Variants in ITPR3 observed in about 807,000 individuals in gnomAD.
The protein encoded by ITPR3 is inositol 1,4,5-trisphosphate receptor type 3.
ITPR3 carries 173 observed loss-of-function variants against 293.2 expected under a neutral mutation model. The ratio of observed to expected loss-of-function variants is 0.59; its 90% confidence interval spans 0.52 to 0.67. ITPR3 has a LOEUF of 0.67. Among genes scored for constraint, ITPR3 ranks in the 30% least tolerant of loss-of-function variants. The pLI is 0.00. For missense variants in ITPR3, 2,796 were observed against 3,592.1 expected (o/e 0.78, Z 5.66); for synonymous variants, 1,295 against 1,444.4 (o/e 0.90, Z 2.35).
chr6:33,689,305 G>C lies in ITPR3; in HGVS notation c.6762G>C (p.Leu2254=), dbSNP rs754115340. The change falls in exon 50 of 58, where the codon CTG becomes CTC. Residue 2254 remains leucine (L), a synonymous_variant. Coordinates refer to ENST00000605930, the MANE Select transcript of ITPR3 (RefSeq NM_002224.4). The part of the protein sequence containing the change: ...WILICFSIAA[L]FTKRYSIRPL... Reference sequence around the variant, plus strand: ...TCATCTGCTTCTCCATCGCGGCCCTGTTCACCAAGCGCTACAGCATCCGCC... The same window carrying C: ...TCATCTGCTTCTCCATCGCGGCCCTCTTCACCAAGCGCTACAGCATCCGCC... The C allele has an allele frequency of 6.2e-7, 1 of 1,612,676 alleles. No homozygotes were observed. The highest frequency in any genetic ancestry group is 8.5e-7 in the Non-Finnish European group (1 of 1,180,018).
Position 33,683,972 on chromosome 6 carries a change from C to G in ITPR3, c.4789-48C>G, listed in dbSNP as rs1179543139. 6 of 1,550,660 alleles carry G rather than the reference C, an allele frequency of 3.9e-6. No homozygotes were observed. Among genetic ancestry groups the G allele is most frequent in the Non-Finnish European group, 5.2e-6 (6 of 1,148,338 alleles). On this transcript the variant is annotated intron_variant, in intron 35 of 57. Transcript: ENST00000605930. This position sits in a 1 kb window ranked among gnomAD's most constrained non-coding sequence, Gnocchi z 4.5. Reference sequence around the variant, plus strand: ...TGGGTCGGAGGAATGGCAGTCACACCCGGGTCATTTCTTGGGCCTGGCAAT... The same window carrying G: ...TGGGTCGGAGGAATGGCAGTCACACGCGGGTCATTTCTTGGGCCTGGCAAT...
In ITPR3 at chr6:33,667,072, A is replaced by C. The variant is rs1008654589; in HGVS notation, c.1552-57A>C. ...GGACTCAGGGATGACTCCTGGGATG[A>C]CTTAGGGGTACAGACAGGTGTTGGG... On this transcript the variant is annotated intron_variant, in intron 14 of 57. Transcript: ENST00000605930. This position sits in a 1 kb window ranked among gnomAD's most constrained non-coding sequence, Gnocchi z 4.4. 9 of 1,583,622 alleles carry C rather than the reference A, an allele frequency of 5.7e-6. No individual in the cohort carries two copies. The African/African-American group carries it at 1.1e-4, about 19-fold the overall frequency.
chr6:33,670,217 A>G lies in ITPR3; in HGVS notation c.2190-108A>G. ...CAGAATTGCAGCTGGCGCATCTTTA[A>G]CCTAATCCCTTTGCCACTTTACTGA... On this transcript the variant is annotated intron_variant, in intron 18 of 57. Coordinates refer to ENST00000605930, the MANE Select transcript of ITPR3 (RefSeq NM_002224.4). The surrounding 1 kb of genome is among the most constrained non-coding windows in gnomAD (Gnocchi z 6.7). The G allele has an allele frequency of 8.2e-7, 1 of 1,214,412 alleles. No homozygotes were observed. The highest frequency in any genetic ancestry group is 1.2e-6 in the Non-Finnish European group (1 of 844,848). The allele number at this position is 1,214,412 out of a possible 1,614,324, so 75.2% of individuals were successfully genotyped here. A position where few individuals can be genotyped will look rare whatever the true frequency, so the allele number is the denominator to read the frequency against.
Position 33,694,986 on chromosome 6 carries a change from G to A in ITPR3, c.7848G>A (p.Glu2616=). The A allele has an allele frequency of 1.2e-6, 2 of 1,614,194 alleles. No individual in the cohort carries two copies. The highest frequency in any genetic ancestry group is 1.1e-5 in the South Asian group (1 of 91,080). ...RAMSLVSNEG[E]GEQNEIRILQ... ...TGTCCCTTGTCAGCAATGAGGGCGA[G>A]GGGGAGCAGAATGAGATTCGGATTC... Residue 2616 remains glutamate (E), a synonymous_variant, in exon 57 of 58, where the codon GAG becomes GAA. Transcript: ENST00000605930.
chr6:33,634,401 GCCCAAGGT>G (rs1430317886), intron 1 of ITPR3, among the ~76,000 whole-genome samples: 1 of 152,104 alleles, frequency 6.6e-6, no homozygotes, highest in Admixed American at 6.5e-5. Flanking sequence ...GGGAGAAAAT[GCCCAAGGT>G]CCCATCTCCT....
intron 30 of ITPR3, 23 bp downstream of exon 30, chr6:33,678,862 C>G: frequency 6.2e-7 from 1 of 1,600,172 alleles, no homozygotes; most frequent in Non-Finnish European, 8.5e-7. Flanking sequence ...CTGAGGGGTG[C>G]TCAGGCATCT....
In ITPR3 at chr6:33,658,122, T is replaced by A. The variant is rs1764359521; in HGVS notation, c.369+104T>A. ...GCAGGCATTGCCCTCTGTGCATGTG[T>A]GTCCCCGGGTGAATGAGTGGCCCTG... On this transcript the variant is annotated intron_variant, in intron 4 of 57. Coordinates refer to ENST00000605930, the MANE Select transcript of ITPR3 (RefSeq NM_002224.4). The surrounding 1 kb of genome is among the most constrained non-coding windows in gnomAD (Gnocchi z 6.1). 3.1e-6 allele frequency: 3 copies of A among 958,598 alleles called. No homozygotes were observed. The Admixed American group carries it at 6.0e-5, about 19-fold the overall frequency. 59.4% of individuals were successfully genotyped at this position (958,598 alleles called of 1,614,324 possible).
Position 33,654,820 on chromosome 6 carries a change from C to T in ITPR3, c.161-946C>T, listed in dbSNP as rs546201466. On this transcript the variant is annotated intron_variant, in intron 2 of 57. Transcript: ENST00000605930. This position sits in a 1 kb window ranked among gnomAD's most constrained non-coding sequence, Gnocchi z 4.1. ...GATCCCTCCTGTGATGGGGAGCTCA[C>T]TGCTTCCCAGCCCAGCCCAGGCTAT... Among the ~76,000 whole-genome samples the T allele has an allele frequency of 6.6e-6, 1 of 152,272 alleles. No individual in the cohort carries two copies. Among genetic ancestry groups the T allele is most frequent in the South Asian group, 2.1e-4 (1 of 4,816 alleles).
chr6:33,644,287 CTT>C (rs541840395), intron 2 of ITPR3, among the ~76,000 whole-genome samples: 2 of 145,526 alleles, frequency 1.4e-5, no homozygotes, highest in Non-Finnish European at 1.5e-5. Flanking sequence ...GATCTTTTTA[CTT>C]TTTTTTTTTT....
intron 1 of ITPR3, among the ~76,000 whole-genome samples, chr6:33,628,915 C>T (rs1334956758): frequency 2.0e-5 from 3 of 152,166 alleles, no homozygotes; most frequent in Non-Finnish European, 4.4e-5. Context: ...CAGGAGAGCC[C>T]TCTTCTCCAG....
rs1226624301 is a variant in ITPR3, at chr6:33,679,210, G to T, written c.3972+371G>T. 6.6e-6 allele frequency among the ~76,000 whole-genome samples: 1 copy of T among 152,174 alleles called. No individual in the cohort carries two copies. The highest frequency in any genetic ancestry group is 1.5e-5 in the Non-Finnish European group (1 of 68,028). ...GACATCAGCTGAGTGTCAGCTCCTG[G>T]GGGGCACGGGCAGGGACCCCATCCT... On this transcript the variant is annotated intron_variant, in intron 30 of 57. Coordinates refer to ENST00000605930, the MANE Select transcript of ITPR3 (RefSeq NM_002224.4). The surrounding 1 kb of genome is among the most constrained non-coding windows in gnomAD (Gnocchi z 4.2).
At chr6:33,668,092 G>A in intron 16 of ITPR3, 128 bp downstream of exon 16, 1 of 1,087,818 alleles carries the variant, frequency 9.2e-7, no homozygotes, top group South Asian at 1.5e-5. Flanking sequence ...AGCACTGGGT[G>A]GCTCAGCACT....
At position 33,683,920 on chromosome 6, in the gene ITPR3, G is replaced by A. The variant is rs1765150046; in HGVS notation, c.4789-100G>A. 8 of 1,351,100 alleles carry A rather than the reference G, an allele frequency of 5.9e-6. No individual in the cohort carries two copies. The Admixed American group carries it at 1.6e-4, about 27-fold the overall frequency. The allele number at this position is 1,351,100 out of a possible 1,614,324, so 83.7% of individuals were successfully genotyped here. The stretch of plus-strand genomic sequence containing the variant: ...GGTGTGGGCCCCTCAGACAGAGGCA[G>A]GGCAATCTGTGGGGCTGTTTGGCGT... On this transcript the variant is annotated intron_variant, in intron 35 of 57. Coordinates refer to ENST00000605930, the MANE Select transcript of ITPR3 (RefSeq NM_002224.4). This position sits in a 1 kb window ranked among gnomAD's most constrained non-coding sequence, Gnocchi z 4.5.
At chr6:33,636,556 A>G (rs1391465293) in intron 1 of ITPR3, among the ~76,000 whole-genome samples, 1 of 151,938 alleles carries the variant, frequency 6.6e-6, no homozygotes, top group Non-Finnish European at 1.5e-5. Context: ...GGGAGGAGCC[A>G]AGGATAGGTC....
At chr6:33,644,663 T>A (rs1476459045) in intron 2 of ITPR3, among the ~76,000 whole-genome samples, 1 of 20,084 alleles carries the variant, frequency 5.0e-5, no homozygotes, top group East Asian at 3.7e-4. Context: ...ACAATATAGG[T>A]TTTTTTTTTT....
At chr6:33,695,661 G>A (rs370354268) in intron 57 of ITPR3, 51 bp from the exon 58 acceptor site, 1 of 1,563,606 alleles carries the variant, frequency 6.4e-7, no homozygotes, top group Non-Finnish European at 8.8e-7. Flanking sequence ...ACCCATGGAG[G>A]GAAGGTGCCA....
In ITPR3 at chr6:33,662,629, G is replaced by T; in HGVS notation, c.813G>T (p.Gln271His). 1 of 1,611,288 alleles carries T rather than the reference G, an allele frequency of 6.2e-7. No individual in the cohort carries two copies. The highest frequency in any genetic ancestry group is 8.5e-7 in the Non-Finnish European group (1 of 1,179,978). Residue 271 changes from glutamine to histidine, a missense_variant, in exon 8 of 58, where the codon CAG becomes CAT. By Grantham distance (24) the Gln-to-His change is conservative. Coordinates refer to ENST00000605930, the MANE Select transcript of ITPR3 (RefSeq NM_002224.4). Reference sequence around the variant, plus strand: ...TGTTCCTGCGAACTACACTGCGCCAGTCTGCCACCTCGGCCACCAGCTCCA... The same window carrying T: ...TGTTCCTGCGAACTACACTGCGCCATTCTGCCACCTCGGCCACCAGCTCCA... ...LQVFLRTTLR[Q>H]SATSATSSNA...
At chr6:33,661,583 A>T (rs73746703) in intron 7 of ITPR3, among the ~76,000 whole-genome samples, 6,346 of 152,270 alleles carry the variant, frequency 0.042, 194 homozygotes, top group South Asian at 0.12. Flanking sequence ...TGACTTCATC[A>T]CGCATATTAT....
At position 33,691,283 on chromosome 6, in the gene ITPR3, C is replaced by G. The variant is rs557044573; in HGVS notation, c.7225+174C>G. On this transcript the variant is annotated intron_variant, in intron 52 of 57. Transcript: ENST00000605930. The surrounding 1 kb of genome is among the most constrained non-coding windows in gnomAD (Gnocchi z 4.9). Reference sequence around the variant, plus strand: ...CAGTCTGCCTCGCTCTTTTCTGGAACACACTGAGTGGGTGGGAGAGCCTTG... The same window carrying G: ...CAGTCTGCCTCGCTCTTTTCTGGAAGACACTGAGTGGGTGGGAGAGCCTTG... Among the ~76,000 whole-genome samples, 2 of 152,238 alleles carry G rather than the reference C, an allele frequency of 1.3e-5. No individual in the cohort carries two copies. The highest frequency in any genetic ancestry group is 1.5e-5 in the Non-Finnish European group (1 of 68,034).
Sources: gnomAD v4.1 joint callset for allele counts (sites outside exome capture counted in the v4.1 genomes callset) on GRCh38, gnomAD v4.1.1 for gene constraint, Gnocchi (gnomAD v3.1) non-coding constraint, MANE v1.5 for transcripts, NCBI Gene and HGNC (gene_info 2026-07-23, HGNC 2026-07-21) for gene names.